The following EBAG9 variants were observed in gnomAD, a reference collection of about 807,000 sequenced individuals.
EBAG9 encodes the protein receptor-binding cancer antigen expressed on SiSo cells.
A neutral mutation model predicts 30.9 loss-of-function variants in EBAG9; 16 were observed. That is an observed-to-expected ratio of 0.52 (90% CI 0.35 to 0.79). The LOEUF (loss-of-function observed/expected upper bound fraction) is 0.79. Among genes scored for constraint, EBAG9 ranks in the 30% least tolerant of loss-of-function variants. The probability of loss-of-function intolerance (pLI) is 0.01; values close to 1 mark genes in which losing one functional copy is unlikely to be tolerated. For missense variants in EBAG9, 197 were observed against 242.1 expected (o/e 0.81, Z 1.24); for synonymous variants, 93 against 82.8 (o/e 1.12, Z -0.67).
At position 109,560,939 on chromosome 8, in the gene EBAG9, T is replaced by G; in HGVS notation, c.521+10T>G. ...CAGAAGAAGTTCTGAGGTATTTGAG[T>G]GGCATTTATATTGCAACCTGAGTAG... On this transcript the variant is annotated intron_variant, in intron 6 of 6. Transcript: ENST00000337573. 6.2e-7 allele frequency: 1 copy of G among 1,609,190 alleles called. No homozygotes were observed. Among genetic ancestry groups the G allele is most frequent in the Non-Finnish European group, 8.5e-7 (1 of 1,176,566 alleles).
intron 1 of EBAG9, among the ~76,000 whole-genome samples, chr8:109,546,851 A>T (rs1023256306): frequency 1.3e-5 from 2 of 152,160 alleles, no homozygotes; most frequent in African/African-American, 4.8e-5. Context: ...TCATGCTATT[A>T]CTTGTAACAA....
At chr8:109,551,214 G>A (rs574195890) in intron 2 of EBAG9, among the ~76,000 whole-genome samples, 72 of 151,592 alleles carry the variant, frequency 4.7e-4, no homozygotes, top group East Asian at 1.7e-3. Context: ...TGATGTATTC[G>A]TTTCATTATG....
chr8:109,542,768 T>C (rs1429343559), intron 1 of EBAG9, among the ~76,000 whole-genome samples: 2 of 152,094 alleles, frequency 1.3e-5, no homozygotes, highest in Admixed American at 6.5e-5. Context: ...AAATGGTAAC[T>C]GAAGGTACCA....
chr8:109,558,653 C>A (rs994419214), intron 5 of EBAG9, among the ~76,000 whole-genome samples: 3 of 151,824 alleles, frequency 2.0e-5, no homozygotes, highest in Non-Finnish European at 4.4e-5. Flanking sequence ...CTGCTATTTC[C>A]ACGTATTTTC....
At chr8:109,551,216 T>C (rs1042739785) in intron 2 of EBAG9, among the ~76,000 whole-genome samples, 18 of 152,112 alleles carry the variant, frequency 1.2e-4, no homozygotes, top group African/African-American at 4.3e-4. Flanking sequence ...ATGTATTCGT[T>C]TCATTATGGG....
chr8:109,563,577 C>A, intron 6 of EBAG9: 3 of 1,349,676 alleles, frequency 2.2e-6, no homozygotes, highest in Non-Finnish European at 2.9e-6. Context: ...ACCTACCACT[C>A]TTTTTTTTTT....
chr8:109,545,308 C>T (rs1305853236), intron 1 of EBAG9, among the ~76,000 whole-genome samples: 4 of 116,528 alleles, frequency 3.4e-5, no homozygotes, highest in South Asian at 2.7e-4. Flanking sequence ...GGCAACAGAG[C>T]GAGACTGTGT....
At chr8:109,542,473 A>G (rs748610539) in intron 1 of EBAG9, among the ~76,000 whole-genome samples, 1 of 152,162 alleles carries the variant, frequency 6.6e-6, no homozygotes, top group Non-Finnish European at 1.5e-5. Flanking sequence ...ACAGTCCCAA[A>G]TGGTAAATAT....
At chr8:109,550,117 T>C (rs1205146259) in intron 1 of EBAG9, 2 of 152,104 alleles carry the variant, frequency 1.3e-5, no homozygotes, top group African/African-American at 4.8e-5. Context: ...GCTTGTCCCA[T>C]GTGTTATTTG....
intron 1 of EBAG9, among the ~76,000 whole-genome samples, chr8:109,549,548 A>T (rs73700649): frequency 0.013 from 1,973 of 152,076 alleles, 44 homozygotes; most frequent in African/African-American, 0.045. Context: ...AATTTCTTTA[A>T]TAGATATATA....
chr8:109,557,434 A>T (rs1049411626), intron 5 of EBAG9, among the ~76,000 whole-genome samples: 4 of 152,232 alleles, frequency 2.6e-5, no homozygotes, highest in Admixed American at 6.5e-5. Context: ...TTTGACTTAA[A>T]TGAAACTTTT....
chr8:109,555,512 G>A (rs186682629), intron 4 of EBAG9, among the ~76,000 whole-genome samples: 33 of 152,140 alleles, frequency 2.2e-4, no homozygotes, highest in Non-Finnish European at 3.2e-4. Context: ...TATATGTATC[G>A]AAATCCTACT....
chr8:109,552,238 T>C (rs1278981642), intron 2 of EBAG9, among the ~76,000 whole-genome samples: 1 of 143,666 alleles, frequency 7.0e-6, no homozygotes. Flanking sequence ...AACTTATTGC[T>C]AAAAGTAGAG....
At chr8:109,552,843 C>T (rs1821520312) in intron 2 of EBAG9, among the ~76,000 whole-genome samples, 1 of 152,074 alleles carries the variant, frequency 6.6e-6, no homozygotes, top group Admixed American at 6.6e-5. Context: ...TGCCTGTAAT[C>T]CCAATGCTTT....
chr8:109,553,085 T>G (rs374001713), intron 2 of EBAG9, among the ~76,000 whole-genome samples: 1 of 152,160 alleles, frequency 6.6e-6, no homozygotes, highest in Non-Finnish European at 1.5e-5. Context: ...TTTTATAGAT[T>G]ATTTGAAGTG....
chr8:109,558,688 G>A (rs1258301812), intron 5 of EBAG9, among the ~76,000 whole-genome samples: 1 of 152,144 alleles, frequency 6.6e-6, no homozygotes, highest in Non-Finnish European at 1.5e-5. Context: ...GAATAAAGGG[G>A]CATTGCATAG....
chr8:109,554,938 T>G, intron 4 of EBAG9, 51 bp downstream of exon 4: 1 of 1,529,796 alleles, frequency 6.5e-7, no homozygotes, highest in South Asian at 1.2e-5. Context: ...TAGATTCCTA[T>G]AGTTAAAATT....
At position 109,564,478 on chromosome 8, in the gene EBAG9, A is replaced by G; in HGVS notation, c.561A>G (p.Glu187=). ...CAGACAGAGAAAAGAGAGCAGCCGA[A>G]CAACAAAGGAAGAAAATGGAAAAGG... ...KLADREKRAA[E]QQRKKMEKEA... is the part of the protein sequence containing the mutation. The change falls in exon 7 of 7, where the codon GAA becomes GAG. Residue 187 remains glutamate, a synonymous_variant. Coordinates refer to ENST00000337573, the MANE Select transcript of EBAG9 (RefSeq NM_004215.5). 1 of 1,612,958 alleles carries G rather than the reference A, an allele frequency of 6.2e-7. No individual in the cohort carries two copies. Among genetic ancestry groups the G allele is most frequent in the South Asian group, 1.1e-5 (1 of 91,042 alleles).
upstream of EBAG9, chr8:109,539,828 G>A (rs1428248296): frequency 6.6e-6 from 1 of 152,224 alleles, no homozygotes; most frequent in East Asian, 1.9e-4. Context: ...TCGAGGAAGA[G>A]ACAGGCAGCG....
Sources: gnomAD v4.1 joint callset for allele counts (sites outside exome capture counted in the v4.1 genomes callset) on GRCh38, gnomAD v4.1.1 for gene constraint, MANE v1.5 for transcripts, NCBI Gene and HGNC (gene_info 2026-07-23, HGNC 2026-07-21) for gene names.